The following MYBL2 variants were observed in gnomAD, a reference collection of about 807,000 sequenced individuals.
The protein encoded by MYBL2 is myb-related protein B.
Under a neutral mutation model 79.9 loss-of-function variants are expected in MYBL2, and 28 were observed. The observed-to-expected ratio is 0.35, with a 90% CI of 0.26 to 0.48. The LOEUF (loss-of-function observed/expected upper bound fraction) is 0.48, where lower values mean the gene tolerates loss of function less well. Ranked by LOEUF, MYBL2 falls within the 20% of genes least tolerant of loss-of-function variation. MYBL2 has a pLI of 0.99. For synonymous variants in MYBL2, 378 were observed against 361.2 expected (o/e 1.05, Z -0.53); for missense variants, 735 against 893.9 (o/e 0.82, Z 2.27).
chr20:43,689,387 C>G (rs925620463), intron 5 of MYBL2, among the ~76,000 whole-genome samples: 1 of 152,140 alleles, frequency 6.6e-6, no homozygotes, highest in African/African-American at 2.4e-5. Flanking sequence ...CCCCCATGGC[C>G]TGTTTGGCTC....
Position 43,711,614 on chromosome 20 carries a change from G to T in MYBL2, c.1719+13G>T. ...GAGGAAGCCTGGGGTGAGTAGGGTA[G>T]GGGTGGGAGAGCCTGGGCAGGGGGA... On this transcript the variant is annotated intron_variant, in intron 11 of 13. Transcript: ENST00000217026. The T allele has an allele frequency of 6.2e-7, 1 of 1,605,726 alleles. No individual in the cohort carries two copies. The highest frequency in any genetic ancestry group is 1.7e-5 in the Admixed American group (1 of 58,838).
In MYBL2 at chr20:43,682,369, A is replaced by G. The variant is rs559286638; in HGVS notation, c.187-425A>G. On this transcript the variant is annotated intron_variant, in intron 3 of 13. Transcript: ENST00000217026. ...GGGAGGGGGTGTGGCAGGAGCTGCC[A>G]TATGTCTTACTGCCTGGGCTGCTCA... Among the ~76,000 whole-genome samples the G allele has an allele frequency of 1.8e-3, 280 of 152,266 alleles. 1 individual carries two copies. The highest frequency in any genetic ancestry group is 6.8e-3 in the Middle Eastern group (2 of 294).
intron 11 of MYBL2, 62 bp downstream of exon 11, chr20:43,711,663 G>T: frequency 1.4e-6 from 2 of 1,458,118 alleles, no homozygotes; most frequent in South Asian, 1.2e-5. Context: ...CATGGGGGAG[G>T]CGTCTGGGGA....
At chr20:43,685,838 G>A (rs1389816899) in intron 4 of MYBL2, among the ~76,000 whole-genome samples, 4 of 151,934 alleles carry the variant, frequency 2.6e-5, no homozygotes, top group Admixed American at 6.6e-5. Flanking sequence ...GGGAGTTCAA[G>A]ACCAGCCTTA....
At chr20:43,697,053 G>C (rs964484820) in intron 6 of MYBL2, among the ~76,000 whole-genome samples, 2 of 32,090 alleles carry the variant, frequency 6.2e-5, no homozygotes, top group Non-Finnish European at 1.8e-4. Flanking sequence ...GGAATGATTG[G>C]GTAAAATAGT....
Position 43,692,229 on chromosome 20 carries a change from C to G in MYBL2, c.573C>G (p.Ser191Arg). 6.2e-7 allele frequency: 1 copy of G among 1,614,146 alleles called. No individual in the cohort carries two copies. ...KRKVDTGGFLSESKDCKPPVY... is the reference protein window; with the variant it reads ...KRKVDTGGFLRESKDCKPPVY... Reference sequence around the variant, plus strand: ...AGGTGGACACAGGAGGCTTCTTGAGCGAGTCCAAAGACTGCAAGCCCCCAG... The same window carrying G: ...AGGTGGACACAGGAGGCTTCTTGAGGGAGTCCAAAGACTGCAAGCCCCCAG... The change falls in exon 6 of 14, where the codon AGC (serine) becomes AGG (arginine). Residue 191 changes from serine (S) to arginine (R), a missense_variant. Transcript: ENST00000217026.
At chr20:43,671,881 GT>G (rs979613123) in intron 1 of MYBL2, among the ~76,000 whole-genome samples, 133 of 144,484 alleles carry the variant, frequency 9.2e-4, no homozygotes, top group Middle Eastern at 3.6e-3. Flanking sequence ...AGCTCGTACT[GT>G]TTTTTTTTTT....
At chr20:43,709,579 A>G (rs1405707128) in intron 9 of MYBL2, among the ~76,000 whole-genome samples, 1 of 152,042 alleles carries the variant, frequency 6.6e-6, no homozygotes, top group Non-Finnish European at 1.5e-5. Context: ...TGCTGCCACC[A>G]TCCTTCTCAC....
chr20:43,693,413 A>C (rs1987459806), intron 6 of MYBL2, among the ~76,000 whole-genome samples: 1 of 152,084 alleles, frequency 6.6e-6, no homozygotes, highest in Non-Finnish European at 1.5e-5. Flanking sequence ...ATGATAGCTC[A>C]CTGCAACCTC....
At chr20:43,691,969 A>C (rs1396000243) in intron 5 of MYBL2, among the ~76,000 whole-genome samples, 188 bp from the exon 6 acceptor site, 6 of 151,992 alleles carry the variant, frequency 3.9e-5, no homozygotes, top group African/African-American at 1.5e-4. Context: ...CTTCGTGGAA[A>C]TGCTCTGTAA....
intron 5 of MYBL2, among the ~76,000 whole-genome samples, chr20:43,690,056 G>T (rs974241294): frequency 2.6e-5 from 4 of 152,138 alleles, no homozygotes; most frequent in Non-Finnish European, 5.9e-5. Flanking sequence ...TAGAGCTTTG[G>T]CCTGCTATAA....
At chr20:43,713,691 A>G (rs1987964281) in intron 12 of MYBL2, among the ~76,000 whole-genome samples, 2 of 152,120 alleles carry the variant, frequency 1.3e-5, no homozygotes. Flanking sequence ...CCAGCCTAGT[A>G]ATGTGTCTTA....
rs1987906939 is a variant in MYBL2, at chr20:43,711,552, T to G, written c.1670T>G (p.Leu557Arg). 2 of 1,613,576 alleles carry G rather than the reference T, an allele frequency of 1.2e-6. No homozygotes were observed. Among genetic ancestry groups the G allele is most frequent in the African/African-American group, 2.7e-5 (2 of 74,896 alleles). Residue 557 changes from leucine (L) to arginine (R), a missense_variant, in exon 11 of 14, where the codon CTC becomes CGC. Transcript: ENST00000217026. ...CTGCGTTCTGAGGCTGGCATCGAAC[T>G]CATCATCGAGGACGACATCAGGCCC... The part of the protein sequence containing the change: ...EVLRSEAGIE[L>R]IIEDDIRPEK...
intron 1 of MYBL2, among the ~76,000 whole-genome samples, chr20:43,671,681 A>G (rs1401081415): frequency 6.6e-6 from 1 of 151,500 alleles, no homozygotes; most frequent in African/African-American, 2.4e-5. Context: ...CATGTTGGTC[A>G]GGCTAGTCTC....
intron 1 of MYBL2, among the ~76,000 whole-genome samples, chr20:43,670,714 C>T (rs1276738733): frequency 6.6e-6 from 1 of 152,124 alleles, no homozygotes; most frequent in Non-Finnish European, 1.5e-5. Context: ...TAGGAAGCAA[C>T]GGTGAGCTTT....
Position 43,687,001 on chromosome 20 carries a change from C to T in MYBL2, c.429C>T (p.Asp143=), listed in dbSNP as rs2145718072. 1.2e-6 allele frequency: 2 copies of T among 1,614,064 alleles called. No homozygotes were observed. Among genetic ancestry groups the T allele is most frequent in the East Asian group, 2.2e-5 (1 of 44,888 alleles). ...VKKSCWTEEE[D]RIICEAHKVL... ...AGTCTTGCTGGACCGAGGAGGAGGA[C>T]CGCATCATCTGCGAGGCCCACAAGG... is the stretch of plus-strand genomic sequence containing the variant. The change falls in exon 5 of 14, where the codon GAC becomes GAT. Residue 143 remains aspartate, a synonymous_variant. Coordinates refer to ENST00000217026, the MANE Select transcript of MYBL2 (RefSeq NM_002466.4).
Position 43,716,007 on chromosome 20 carries a change from C to G in MYBL2, c.2023C>G (p.Leu675Val). Residue 675 changes from leucine (L) to valine (V), a missense_variant, in exon 14 of 14, where the codon CTT becomes GTT. Around this residue, in one of 5 missense-constraint regions of MYBL2, gnomAD observed 204 missense variants for 202.9 expected, o/e 1.01. Transcript: ENST00000217026. ...TVACGGTRDQ[L>V]FMQEKARQLL... ...GGCCTGCGGGGGGACCAGGGACCAG[C>G]TTTTCATGCAGGAGAAAGCCCGGCA... The G allele has an allele frequency of 3.1e-6, 5 of 1,612,378 alleles. No homozygotes were observed. The highest frequency in any genetic ancestry group is 4.2e-6 in the Non-Finnish European group (5 of 1,179,866).
chr20:43,714,436 C>T (rs777809545), intron 12 of MYBL2, among the ~76,000 whole-genome samples: 13 of 152,128 alleles, frequency 8.5e-5, no homozygotes, highest in Non-Finnish European at 1.6e-4. Context: ...TGATACTCCA[C>T]ATTTATTGAT....
intron 5 of MYBL2, among the ~76,000 whole-genome samples, chr20:43,688,662 T>C (rs1351293048): frequency 6.6e-6 from 1 of 151,942 alleles, no homozygotes; most frequent in East Asian, 1.9e-4. Flanking sequence ...TTAAAATTTT[T>C]TGTAGGGGCA....
Sources: allele counts gnomAD v4.1 joint callset (sites outside exome capture counted in the v4.1 genomes callset), GRCh38; gene constraint gnomAD v4.1.1; regional missense constraint gnomAD v4.1.1; transcripts MANE v1.5; gene names NCBI Gene and HGNC (gene_info 2026-07-23, HGNC 2026-07-21).